MACROD2: variants seen among roughly 807,000 people sequenced by gnomAD.
MACROD2 encodes the protein ADP-ribose glycohydrolase MACROD2.
A neutral mutation model predicts 70.4 loss-of-function variants in MACROD2; 36 were observed. That is an observed-to-expected ratio of 0.51 (90% CI 0.39 to 0.68). The LOEUF is 0.68. Among genes scored for constraint, MACROD2 ranks in the 30% least tolerant of loss-of-function variants. The probability of loss-of-function intolerance (pLI) is 0.00; values close to 1 mark genes in which losing one functional copy is unlikely to be tolerated. For synonymous variants in MACROD2, 172 were observed against 178.8 expected, an observed-to-expected ratio of 0.96 and a Z score of 0.30; for missense variants, 496 against 538.4, an observed-to-expected ratio of 0.92 and a Z score of 0.78.
intron 4 of MACROD2, among the ~76,000 whole-genome samples, chr20:14,603,623 T>C (rs930488634): frequency 2.6e-5 from 4 of 152,184 alleles, no homozygotes; most frequent in African/African-American, 9.6e-5. Context: ...TGTGAAGTTT[T>C]AGGGGATGAT....
intron 15 of MACROD2, among the ~76,000 whole-genome samples, chr20:15,990,344 C>G (rs1474544973): frequency 6.6e-6 from 1 of 152,148 alleles, no homozygotes; most frequent in East Asian, 1.9e-4. Context: ...AAACATCTTT[C>G]TTACATTTGT....
chr20:15,097,207 A>G (rs926591904), intron 5 of MACROD2, among the ~76,000 whole-genome samples: 5 of 152,194 alleles, frequency 3.3e-5, no homozygotes, highest in Non-Finnish European at 5.9e-5. Flanking sequence ...CCAAACTTGC[A>G]TCATTATGGA....
chr20:15,341,205 C>G (rs2078107150), intron 6 of MACROD2, among the ~76,000 whole-genome samples: 1 of 152,166 alleles, frequency 6.6e-6, no homozygotes, highest in African/African-American at 2.4e-5. Context: ...AAAGTATTGA[C>G]AAGTAGTTTT....
chr20:14,056,005 T>A (rs2053627578), intron 2 of MACROD2, among the ~76,000 whole-genome samples: 1 of 152,142 alleles, frequency 6.6e-6, no homozygotes, highest in Non-Finnish European at 1.5e-5. Flanking sequence ...TTCTGTTGAT[T>A]GATTGATTAT....
chr20:14,262,275 C>T (rs1013210047), intron 3 of MACROD2, among the ~76,000 whole-genome samples: 4 of 152,048 alleles, frequency 2.6e-5, no homozygotes. Context: ...AGAGAATCTA[C>T]ATGATGTGGT....
At chr20:15,985,375 A>C (rs2066465046) in intron 13 of MACROD2, among the ~76,000 whole-genome samples, 1 of 152,164 alleles carries the variant, frequency 6.6e-6, no homozygotes, top group South Asian at 2.1e-4. Flanking sequence ...TCAAAACCAA[A>C]ACCAAAGTAT....
chr20:14,042,750 T>C (rs2053410691), intron 2 of MACROD2, among the ~76,000 whole-genome samples: 1 of 152,182 alleles, frequency 6.6e-6, no homozygotes, highest in Non-Finnish European at 1.5e-5. Context: ...TCTGCCCGCC[T>C]TGGCCTCCCA....
chr20:15,257,636 T>A (rs560925697), intron 6 of MACROD2, among the ~76,000 whole-genome samples: 4 of 152,208 alleles, frequency 2.6e-5, no homozygotes, highest in Non-Finnish European at 4.4e-5. Flanking sequence ...ATGAGTCATG[T>A]GTTTTTGGTG....
intron 4 of MACROD2, among the ~76,000 whole-genome samples, chr20:14,506,808 G>A (rs367845): frequency 0.18 from 27,535 of 151,942 alleles, 2,783 homozygotes; most frequent in South Asian, 0.36. Context: ...AAAATTAGCC[G>A]GACGTGGTGG....
intron 8 of MACROD2, among the ~76,000 whole-genome samples, chr20:15,540,172 G>T (rs1039211052): frequency 2.6e-5 from 4 of 152,206 alleles, no homozygotes; most frequent in Non-Finnish European, 4.4e-5. Flanking sequence ...ATGGCTGGGT[G>T]CATGAACTAA....
chr20:15,461,007 T>TA lies in MACROD2; in HGVS notation c.571+29572_571+29573insA, dbSNP rs1491341955. ...ATATATATATATATATATATATATA[T>TA]TTTTTTTTAATAGATGGGGTCTTGC... On this transcript the variant is annotated intron_variant, in intron 7 of 17. Coordinates refer to ENST00000684519, the MANE Select transcript of MACROD2 (RefSeq NM_001351661.2). 2.4e-3 allele frequency among the ~76,000 whole-genome samples: 104 copies of TA among 42,828 alleles called. 2 individuals are homozygous for TA. Among genetic ancestry groups the TA allele is most frequent in the African/African-American group, 5.6e-3 (77 of 13,746 alleles). The allele number at this position is 42,828 out of a possible 152,430, so 28.1% of individuals were successfully genotyped here. A position where few individuals can be genotyped will look rare whatever the true frequency, so the allele number is the denominator to read the frequency against.
At chr20:15,916,864 A>T (rs2065325346) in intron 10 of MACROD2, among the ~76,000 whole-genome samples, 2 of 152,198 alleles carry the variant, frequency 1.3e-5, no homozygotes, top group South Asian at 4.1e-4. Context: ...TCCTAGGCTG[A>T]GTCATCTCCT....
At chr20:14,644,564 A>G (rs1019778519) in intron 4 of MACROD2, among the ~76,000 whole-genome samples, 1 of 152,114 alleles carries the variant, frequency 6.6e-6, no homozygotes, top group Non-Finnish European at 1.5e-5. Flanking sequence ...TATCATTGCA[A>G]TTTGCCAAAA....
chr20:15,931,400 G>T (rs559067448), intron 10 of MACROD2, among the ~76,000 whole-genome samples: 1 of 152,216 alleles, frequency 6.6e-6, no homozygotes, highest in East Asian at 1.9e-4. Flanking sequence ...CCAGCAGTTT[G>T]GGAGGCTAAG....
chr20:16,052,594 G>A lies in MACROD2; in HGVS notation c.*2718G>A, dbSNP rs1485845663. On this transcript the variant is annotated 3_prime_UTR_variant, in exon 18 of 18. Transcript: ENST00000684519. ...TCTAGCTGGTAACTATTCAGATGAT[G>A]GACAAGTCTTCTTTCATAAAAGATT... 6.6e-6 allele frequency: 1 copy of A among 152,600 alleles called. No individual in the cohort carries two copies. Among genetic ancestry groups the A allele is most frequent in the Non-Finnish European group, 1.5e-5 (1 of 68,036 alleles). The allele number at this position is 152,600 out of a possible 1,614,324, so 9.5% of individuals were successfully genotyped here.
intron 5 of MACROD2, among the ~76,000 whole-genome samples, chr20:14,797,811 A>C (rs1211198092): frequency 6.6e-6 from 1 of 152,018 alleles, no homozygotes; most frequent in Admixed American, 6.6e-5. Flanking sequence ...TGACCTTTGT[A>C]TTCCCAGTGC....
chr20:14,627,461 T>C (rs1984246222), intron 4 of MACROD2, among the ~76,000 whole-genome samples: 1 of 152,100 alleles, frequency 6.6e-6, no homozygotes, highest in Admixed American at 6.6e-5. Context: ...AGGTCTCTGT[T>C]GTAAGTGCCT....
At chr20:15,140,984 G>T (rs1316952279) in intron 5 of MACROD2, among the ~76,000 whole-genome samples, 1 of 152,128 alleles carries the variant, frequency 6.6e-6, no homozygotes, top group Non-Finnish European at 1.5e-5. Flanking sequence ...CATCCATCCA[G>T]ATTCCATTTA....
At chr20:15,554,679 G>A (rs1380431908) in intron 8 of MACROD2, among the ~76,000 whole-genome samples, 2 of 152,134 alleles carry the variant, frequency 1.3e-5, no homozygotes. Flanking sequence ...CCCTTTAGGT[G>A]CAGTTTATTA....
Sources: gnomAD v4.1 joint callset for allele counts (sites outside exome capture counted in the v4.1 genomes callset) on GRCh38, gnomAD v4.1.1 for gene constraint, MANE v1.5 for transcripts, NCBI Gene and HGNC (gene_info 2026-07-23, HGNC 2026-07-21) for gene names.